The following KDM3B variants were observed in gnomAD, a reference collection of about 807,000 sequenced individuals.
The protein encoded by KDM3B is lysine demethylase 3B, also known as lysine-specific demethylase 3B.
KDM3B carries 10 observed loss-of-function variants against 170.0 expected under a neutral mutation model. The ratio of observed to expected loss-of-function variants is 0.06; its 90% CI spans 0.04 to 0.10. The LOEUF (loss-of-function observed/expected upper bound fraction) is 0.10. KDM3B is among the 10% of genes least tolerant of loss of function. The pLI is 1.00. For synonymous variants in KDM3B, 831 were observed against 834.8 expected, an observed-to-expected ratio of 1.00 and a Z score of 0.08; for missense variants, 1,394 against 2,195.2, an observed-to-expected ratio of 0.64 and a Z score of 7.29.
chr5:138,387,377 A>G (rs1248663345), intron 7 of KDM3B, among the ~76,000 whole-genome samples: 2 of 152,170 alleles, frequency 1.3e-5, no homozygotes, highest in Non-Finnish European at 2.9e-5. Context: ...AACAGCTATT[A>G]ACTCAAGCTA....
At chr5:138,404,481 G>T (rs565885095) in intron 11 of KDM3B, among the ~76,000 whole-genome samples, 11 of 151,966 alleles carry the variant, frequency 7.2e-5, no homozygotes, top group Non-Finnish European at 1.5e-4. Context: ...TACAAAATTA[G>T]CCGGGTGTGG....
In KDM3B at chr5:138,420,878, C is replaced by T; in HGVS notation, c.3888C>T (p.Leu1296=). The T allele has an allele frequency of 6.2e-7, 1 of 1,614,158 alleles. No individual in the cohort carries two copies. The highest frequency in any genetic ancestry group is 8.5e-7 in the Non-Finnish European group (1 of 1,180,022). The stretch of plus-strand genomic sequence containing the variant: ...CCGAAGGGTCTAGCCTTCGAGACCT[C>T]CTTCACTCCGGGCCGGGAAAACTTC... The part of the protein sequence containing the change: ...NKTEGSSLRD[L]LHSGPGKLPQ... The change falls in exon 15 of 24, where the codon CTC becomes CTT. Residue 1296 remains leucine (L), a synonymous_variant. Transcript: ENST00000314358.
chr5:138,390,158 C>T (rs777707548), intron 7 of KDM3B, among the ~76,000 whole-genome samples: 9 of 151,844 alleles, frequency 5.9e-5, no homozygotes, highest in Non-Finnish European at 1.3e-4. Context: ...CGCGCCAGGC[C>T]CCATTCTTCT....
At chr5:138,406,576 T>A (rs1353306637) in intron 11 of KDM3B, among the ~76,000 whole-genome samples, 1 of 152,108 alleles carries the variant, frequency 6.6e-6, no homozygotes. Flanking sequence ...AGGTGGAGGT[T>A]GCAGTGAGCT....
At chr5:138,393,409 C>T in intron 9 of KDM3B, 37 bp downstream of exon 9, 4 of 1,506,056 alleles carry the variant, frequency 2.7e-6, no homozygotes, top group Middle Eastern at 1.7e-4. Context: ...TGCTAGTTTT[C>T]ATTAGTGACA....
At chr5:138,399,734 C>T (rs1227120544) in intron 10 of KDM3B, 126 bp from the exon 11 acceptor site, 1 of 757,512 alleles carries the variant, frequency 1.3e-6, no homozygotes, top group Admixed American at 3.0e-5. Flanking sequence ...ATTATAGAAA[C>T]ACAGACTTTA....
At position 138,419,035 on chromosome 5, in the gene KDM3B, C is replaced by T. The variant is rs1048418323; in HGVS notation, c.3518C>T (p.Pro1173Leu). The T allele has an allele frequency of 6.8e-6, 11 of 1,614,192 alleles. No homozygotes were observed. The Middle Eastern group carries it at 1.3e-3, about 194-fold the overall frequency. The change falls in exon 14 of 24, where the codon CCA becomes CTA. Residue 1173 changes from proline (P) to leucine (L), a missense_variant. Pro to Leu is a moderately conservative substitution (Grantham distance 98, BLOSUM62 -3). Coordinates refer to ENST00000314358, the MANE Select transcript of KDM3B (RefSeq NM_016604.4). Reference sequence around the variant, plus strand: ...GGAGGACCGGCACCAGTAACAACTCCAGAGCCGGACCATGTTCCCAAAGCC... The same window carrying T: ...GGAGGACCGGCACCAGTAACAACTCTAGAGCCGGACCATGTTCCCAAAGCC... Reference protein sequence around the residue: ...GGGGPAPVTTPEPDHVPKADS... With the variant: ...GGGGPAPVTTLEPDHVPKADS...
chr5:138,411,920 G>A (rs1404927832), intron 11 of KDM3B, among the ~76,000 whole-genome samples: 1 of 150,394 alleles, frequency 6.6e-6, no homozygotes, highest in Non-Finnish European at 1.5e-5. Flanking sequence ...ATGTTGGCCA[G>A]GCTGGTCTCG....
chr5:138,367,788 G>A (rs1327096745), intron 1 of KDM3B, among the ~76,000 whole-genome samples: 11 of 152,244 alleles, frequency 7.2e-5, no homozygotes, highest in South Asian at 2.1e-4. Context: ...GCCGAGGCAG[G>A]TGGATCACGA....
intron 7 of KDM3B, among the ~76,000 whole-genome samples, chr5:138,387,531 A>G (rs1762300448): frequency 1.3e-5 from 2 of 152,230 alleles, no homozygotes; most frequent in South Asian, 4.1e-4. Flanking sequence ...GAATCATTTC[A>G]GAAAAAACAA....
At chr5:138,369,475 TAC>T in intron 1 of KDM3B, among the ~76,000 whole-genome samples, 1 of 152,210 alleles carries the variant, frequency 6.6e-6, no homozygotes, top group South Asian at 2.1e-4. Flanking sequence ...CCCCACCGTA[TAC>T]ACACACAAAA....
At position 138,390,599 on chromosome 5, in the gene KDM3B, G is replaced by A. The variant is rs553977914; in HGVS notation, c.1381-414G>A. Among the ~76,000 whole-genome samples, 8 of 152,218 alleles carry A rather than the reference G, an allele frequency of 5.3e-5. No homozygotes were observed. In the East Asian group the frequency reaches 1.5e-3, roughly 29 times the overall value. Reference sequence around the variant, plus strand: ...CAAAACTTTAACAATAGCTCCCAAGGTCATTGAGATATATTAATATTACAG... The same window carrying A: ...CAAAACTTTAACAATAGCTCCCAAGATCATTGAGATATATTAATATTACAG... On this transcript the variant is annotated intron_variant, in intron 7 of 23. Transcript: ENST00000314358.
chr5:138,356,600 C>A (rs560748445), intron 1 of KDM3B, among the ~76,000 whole-genome samples: 1 of 148,600 alleles, frequency 6.7e-6, no homozygotes, highest in East Asian at 2.0e-4. Context: ...CCTTCACCTG[C>A]GTAGTGGGTT....
chr5:138,366,919 C>T (rs1250984600), intron 1 of KDM3B, among the ~76,000 whole-genome samples: 1 of 152,170 alleles, frequency 6.6e-6, no homozygotes, highest in African/African-American at 2.4e-5. Context: ...ATTAATATGC[C>T]AGTCAAAGCT....
At chr5:138,361,945 C>T (rs1761619923) in intron 1 of KDM3B, among the ~76,000 whole-genome samples, 1 of 152,146 alleles carries the variant, frequency 6.6e-6, no homozygotes, top group Admixed American at 6.5e-5. Flanking sequence ...TGCATTGGAT[C>T]TCAAACTGAA....
intron 23 of KDM3B, among the ~76,000 whole-genome samples, chr5:138,434,020 G>C (rs533588845): frequency 6.6e-6 from 1 of 152,164 alleles, no homozygotes; most frequent in South Asian, 2.1e-4. Context: ...GATTACAGGC[G>C]TGAGTCACCG....
intron 2 of KDM3B, 89 bp downstream of exon 2, chr5:138,372,930 C>G: frequency 8.6e-7 from 1 of 1,160,414 alleles, no homozygotes; most frequent in Non-Finnish European, 1.2e-6. Context: ...TGTGTAAGAA[C>G]TACATACTTT....
intron 1 of KDM3B, among the ~76,000 whole-genome samples, chr5:138,355,525 G>A (rs1322231190): frequency 6.6e-6 from 1 of 152,212 alleles, no homozygotes; most frequent in Non-Finnish European, 1.5e-5. Context: ...CAGAAGCCAT[G>A]CTGACAAATT....
At chr5:138,389,513 G>A (rs865836881) in intron 7 of KDM3B, among the ~76,000 whole-genome samples, 30 of 152,034 alleles carry the variant, frequency 2.0e-4, no homozygotes, top group African/African-American at 5.1e-4. Context: ...GTGGCATTTA[G>A]TACATTTACA....
Sources: gnomAD v4.1 joint callset for allele counts (sites outside exome capture counted in the v4.1 genomes callset) on GRCh38, gnomAD v4.1.1 for gene constraint, MANE v1.5 for transcripts, NCBI Gene and HGNC (gene_info 2026-07-23, HGNC 2026-07-21) for gene names.